Variants in PGM3 observed in about 807,000 individuals in gnomAD.
PGM3 encodes the protein phosphoacetylglucosamine mutase.
In PGM3, 40 loss-of-function variants were observed where a neutral mutation model predicts 66.2. The observed-to-expected ratio is 0.60, with a 90% CI of 0.47 to 0.79. PGM3 has a LOEUF of 0.79. PGM3 is among the 30% of genes least tolerant of loss of function. PGM3 has a pLI of 0.00. For missense variants in PGM3, 537 were observed against 643.4 expected, an observed-to-expected ratio of 0.83 and a Z score of 1.79; for synonymous variants, 191 against 224.2, an observed-to-expected ratio of 0.85 and a Z score of 1.32.
chr6:83,182,791 C>A, intron 5 of PGM3, 54 bp downstream of exon 5: 1 of 1,499,554 alleles, frequency 6.7e-7, no homozygotes, highest in Non-Finnish European at 9.3e-7. Flanking sequence ...GTTCAGTAGA[C>A]CATGTTACTT....
chr6:83,167,993 C>A lies in PGM3; in HGVS notation c.*1241G>T, dbSNP rs1460234837. 1 of 1,614,152 alleles carries A rather than the reference C, an allele frequency of 6.2e-7. No individual in the cohort carries two copies. ...TCAATGTGCTCAGTCAAGTCTTCAA[C>A]AGCAAAGTCACAAGCCGATGTGGAG... On this transcript the variant is annotated 3_prime_UTR_variant, in exon 13 of 13. Coordinates refer to ENST00000513973, the MANE Select transcript of PGM3 (RefSeq NM_015599.3).
chr6:83,151,796 A>G, the PGM3 span: 13 of 1,454,846 alleles, frequency 8.9e-6, no homozygotes, highest in Non-Finnish European at 1.2e-5. Context: ...ATTGTAAAAT[A>G]TCTATTATCA....
At chr6:83,152,088 C>T in the PGM3 span, 1 of 1,592,188 alleles carries the variant, frequency 6.3e-7, no homozygotes, top group Non-Finnish European at 8.6e-7. Flanking sequence ...ACTAAGAAAT[C>T]ATTTTGCCTA....
At chr6:83,177,251 C>T (rs987732805) in intron 8 of PGM3, among the ~76,000 whole-genome samples, 4 of 151,924 alleles carry the variant, frequency 2.6e-5, no homozygotes, top group African/African-American at 7.3e-5. Flanking sequence ...AATGCCAGAA[C>T]GAGGTACAAA....
downstream of PGM3, among the ~76,000 whole-genome samples, chr6:83,160,540 A>G (rs945446929): frequency 6.6e-6 from 1 of 152,190 alleles, no homozygotes; most frequent in African/African-American, 2.4e-5. Context: ...GAATTTTAGA[A>G]TGCTTATTTT....
At chr6:83,192,801 A>C (rs1329661390) in intron 1 of PGM3, among the ~76,000 whole-genome samples, 1 of 152,044 alleles carries the variant, frequency 6.6e-6, no homozygotes. Context: ...TTGAAAGCAT[A>C]TTTGCCAAAT....
chr6:83,159,537 C>T (rs1382825680), downstream of PGM3, among the ~76,000 whole-genome samples: 1 of 152,108 alleles, frequency 6.6e-6, no homozygotes, highest in Non-Finnish European at 1.5e-5. Flanking sequence ...ACATTCCACC[C>T]GCCTTGGCAT....
In PGM3 at chr6:83,168,996, G is replaced by A; in HGVS notation, c.*238C>T. 7.7e-7 allele frequency: 1 copy of A among 1,303,236 alleles called. No individual in the cohort carries two copies. Among genetic ancestry groups the A allele is most frequent in the South Asian group, 2.0e-5 (1 of 50,808 alleles). The allele number at this position is 1,303,236 out of a possible 1,614,324, so 80.7% of individuals were successfully genotyped here. The stretch of plus-strand genomic sequence containing the variant: ...GTTAGTGACTGAATTGTATACTTAA[G>A]TCCCAGTATTTTACATTAGTGAGAC... On this transcript the variant is annotated 3_prime_UTR_variant, in exon 13 of 13. Transcript: ENST00000513973.
downstream of PGM3, among the ~76,000 whole-genome samples, chr6:83,158,200 A>G (rs1422524030): frequency 6.6e-6 from 1 of 152,086 alleles, no homozygotes; most frequent in Non-Finnish European, 1.5e-5. Context: ...ACGGGGTTTC[A>G]GCATGTTAGC....
rs1786366499 is a variant in PGM3, at chr6:83,168,392, A to G, written c.*842T>C. 2 of 1,300,244 alleles carry G rather than the reference A, an allele frequency of 1.5e-6. No individual in the cohort carries two copies. The highest frequency in any genetic ancestry group is 3.6e-5 in the Admixed American group (1 of 27,990). 80.5% of individuals were successfully genotyped at this position (1,300,244 alleles called of 1,614,324 possible). ...TATGGTGCCTAAGAGAGCTATATATATACACATGTAAAGTCCATTGTTTTT... is the reference window on the plus strand; with the variant it reads ...TATGGTGCCTAAGAGAGCTATATATGTACACATGTAAAGTCCATTGTTTTT... On this transcript the variant is annotated 3_prime_UTR_variant, in exon 13 of 13. Coordinates refer to ENST00000513973, the MANE Select transcript of PGM3 (RefSeq NM_015599.3).
At chr6:83,176,629 G>C (rs150900229) in intron 8 of PGM3, among the ~76,000 whole-genome samples, 67 of 152,296 alleles carry the variant, frequency 4.4e-4, no homozygotes, top group African/African-American at 1.6e-3. Context: ...GGCTGGATCA[G>C]CAATAGTGAA....
chr6:83,157,409 G>A (rs1783028154), downstream of PGM3: 3 of 1,349,908 alleles, frequency 2.2e-6, no homozygotes, highest in South Asian at 2.4e-5. Context: ...ACGAATATTG[G>A]GAGAGAACTG....
At position 83,187,070 on chromosome 6, in the gene PGM3, C is replaced by T; in HGVS notation, c.395G>A (p.Ser132Asn). The T allele has an allele frequency of 6.3e-7, 1 of 1,597,460 alleles. No individual in the cohort carries two copies. The highest frequency in any genetic ancestry group is 8.6e-7 in the Non-Finnish European group (1 of 1,165,452). ...FVVIGRDTRP[S>N]SEKLSQSVID... is the part of the protein sequence containing the mutation. ...TACAGATTGTGAAAGTTTCTCACTGCTGGGCCTAGGAAAGAAAAGGAAGAA... is the reference window on the plus strand; with the variant it reads ...TACAGATTGTGAAAGTTTCTCACTGTTGGGCCTAGGAAAGAAAAGGAAGAA... The change falls in exon 4 of 13, where the codon AGC becomes AAC. Residue 132 changes from serine to asparagine, a missense_variant. Physicochemically the swap from Ser to Asn is conservative, Grantham distance 46. Coordinates refer to ENST00000513973, the MANE Select transcript of PGM3 (RefSeq NM_015599.3).
intron 7 of PGM3, 30 bp from the exon 8 acceptor site, chr6:83,178,786 C>T (rs1339344200): frequency 8.1e-7 from 1 of 1,227,178 alleles, no homozygotes; most frequent in Admixed American, 1.7e-5. Context: ...CTTAACTTGC[C>T]ATCAAAAGTA....
intron 3 of PGM3, among the ~76,000 whole-genome samples, chr6:83,187,908 G>C (rs890291379): frequency 6.6e-6 from 1 of 152,300 alleles, no homozygotes; most frequent in East Asian, 1.9e-4. Flanking sequence ...ACTTTACTGT[G>C]GTGGGATAAT....
Position 83,174,429 on chromosome 6 carries a change from T to C in PGM3, c.1187A>G (p.Asp396Gly), listed in dbSNP as rs762484092. 2 of 1,609,824 alleles carry C rather than the reference T, an allele frequency of 1.2e-6. No homozygotes were observed. Among genetic ancestry groups the C allele is most frequent in the Non-Finnish European group, 1.7e-6 (2 of 1,177,508 alleles). The stretch of plus-strand genomic sequence containing the variant: ...CATCTTAGCAGCTTTTCTTTTCTTA[T>C]CTTCCAGTTGTTCTGCTGATTGTTT... Reference protein sequence around the residue: ...KIKQSAEQLEDKKRKAAKMLE... With the variant: ...KIKQSAEQLEGKKRKAAKMLE... Residue 396 changes from aspartate (D) to glycine (G), a missense_variant, in exon 10 of 13, where the codon GAT becomes GGT. Coordinates refer to ENST00000513973, the MANE Select transcript of PGM3 (RefSeq NM_015599.3).
Position 83,175,943 on chromosome 6 carries a change from T to C in PGM3, c.1128+19A>G. On this transcript the variant is annotated intron_variant, in intron 9 of 12. Coordinates refer to ENST00000513973, the MANE Select transcript of PGM3 (RefSeq NM_015599.3). ...AAGAAAAGTGCCAGCTAAGGCCAAC[T>C]ATAATTAAGAGAACTTACAGTGCCA... 1 of 1,431,242 alleles carries C rather than the reference T, an allele frequency of 7.0e-7. No individual in the cohort carries two copies. The highest frequency in any genetic ancestry group is 9.9e-7 in the Non-Finnish European group (1 of 1,013,462). The allele number at this position is 1,431,242 out of a possible 1,614,324, so 88.7% of individuals were successfully genotyped here. A position where few individuals can be genotyped will look rare whatever the true frequency, so the allele number is the denominator to read the frequency against.
At chr6:83,162,705 T>C (rs1374368303), downstream of PGM3, 1 of 1,431,154 alleles carries the variant, frequency 7.0e-7, no homozygotes, top group Non-Finnish European at 9.3e-7. Flanking sequence ...AGTGGGGTCA[T>C]GATCTTTCTA....
the PGM3 span, among the ~76,000 whole-genome samples, chr6:83,150,339 C>T: frequency 1.3e-5 from 2 of 152,148 alleles, no homozygotes; most frequent in African/African-American, 4.8e-5. Context: ...ACCCTGCTGG[C>T]TAATTTCATC....
Sources: gnomAD v4.1 joint callset for allele counts (sites outside exome capture counted in the v4.1 genomes callset) on GRCh38, gnomAD v4.1.1 for gene constraint, MANE v1.5 for transcripts, NCBI Gene and HGNC (gene_info 2026-07-23, HGNC 2026-07-21) for gene names.